Variants in ROBO1 observed in about 807,000 individuals in gnomAD.
ROBO1 encodes roundabout homolog 1.
In ROBO1, 149 loss-of-function variants were observed where a neutral mutation model predicts 195.9. The ratio of observed to expected loss-of-function variants is 0.76; its 90% confidence interval spans 0.67 to 0.87. ROBO1 has a LOEUF of 0.87. Among genes scored for constraint, ROBO1 ranks in the 40% least tolerant of loss-of-function variants. ROBO1 has a pLI of 0.00. For missense variants in ROBO1, 1,933 were observed against 2,068.3 expected (o/e 0.93, Z 1.27); for synonymous variants, 816 against 733.2 (o/e 1.11, Z -1.82).
intron 3 of ROBO1, among the ~76,000 whole-genome samples, chr3:78,946,559 T>A (rs1233600765): frequency 6.6e-6 from 1 of 152,166 alleles, no homozygotes; most frequent in African/African-American, 2.4e-5. Context: ...TAACAGCCAC[T>A]GCAAAAACAT....
At chr3:79,165,549 C>A (rs2081049314) in intron 2 of ROBO1, among the ~76,000 whole-genome samples, 1 of 152,204 alleles carries the variant, frequency 6.6e-6, no homozygotes, top group Non-Finnish European at 1.5e-5. Context: ...AACGTCTGTA[C>A]TATTTTCCAA....
In ROBO1 at chr3:78,971,591, T is replaced by C. The variant is rs561479815; in HGVS notation, c.173-32664A>G. Among the ~76,000 whole-genome samples, 5 of 152,284 alleles carry C rather than the reference T, an allele frequency of 3.3e-5. No homozygotes were observed. In the East Asian group the frequency reaches 9.6e-4, roughly 29 times the overall value. On this transcript the variant is annotated intron_variant, in intron 3 of 30. Coordinates refer to ENST00000464233, the MANE Select transcript of ROBO1 (RefSeq NM_002941.4). ...ATGGGTAAAGTGGCCAGGCCAACCA[T>C]ACTGCTCAACCCAGGAACCCTGATA... is the stretch of plus-strand genomic sequence containing the variant.
intron 4 of ROBO1, among the ~76,000 whole-genome samples, chr3:78,829,950 A>C (rs933795702): frequency 2.0e-5 from 3 of 152,194 alleles, no homozygotes; most frequent in Non-Finnish European, 2.9e-5. Context: ...CAGGATGAAT[A>C]AACACAAACT....
chr3:78,862,025 G>T (rs764893325), intron 4 of ROBO1, among the ~76,000 whole-genome samples: 1 of 151,944 alleles, frequency 6.6e-6, no homozygotes, highest in Non-Finnish European at 1.5e-5. Flanking sequence ...TAGCTTGCAT[G>T]AAAAAAAGGA....
At chr3:78,955,078 T>A (rs981855395) in intron 3 of ROBO1, among the ~76,000 whole-genome samples, 1 of 147,884 alleles carries the variant, frequency 6.8e-6, no homozygotes, top group Non-Finnish European at 1.5e-5. Context: ...CTGTGTGTCA[T>A]GGGGGTTATA....
chr3:79,609,865 A>G (rs116768326), intron 1 of ROBO1, among the ~76,000 whole-genome samples: 1,927 of 152,014 alleles, frequency 0.013, 29 homozygotes, highest in Non-Finnish European at 0.018. Context: ...ATGAGGAGTT[A>G]TTGTTTAAAG....
intron 3 of ROBO1, among the ~76,000 whole-genome samples, chr3:78,950,394 C>T (rs111927719): frequency 6.6e-5 from 10 of 150,692 alleles, no homozygotes; most frequent in Non-Finnish European, 1.5e-5. Flanking sequence ...CACCATTCTC[C>T]GCAAACTATA....
chr3:78,677,907 T>A (rs965708194), intron 10 of ROBO1, among the ~76,000 whole-genome samples: 2 of 151,636 alleles, frequency 1.3e-5, no homozygotes, highest in African/African-American at 2.4e-5. Context: ...ATTCCAAAAT[T>A]GACCACGTAG....
chr3:78,949,646 C>T (rs967871647), intron 3 of ROBO1, among the ~76,000 whole-genome samples: 13 of 151,942 alleles, frequency 8.6e-5, no homozygotes, highest in African/African-American at 2.9e-4. Flanking sequence ...GCAACAAAAG[C>T]CAAAATTGAC....
intron 3 of ROBO1, among the ~76,000 whole-genome samples, chr3:79,037,698 G>C (rs907210204): frequency 6.6e-6 from 1 of 152,086 alleles, no homozygotes; most frequent in Non-Finnish European, 1.5e-5. Flanking sequence ...ATAAATATCA[G>C]AAGTAAAATC....
At chr3:78,818,045 C>T (rs1161617716) in intron 4 of ROBO1, among the ~76,000 whole-genome samples, 1 of 152,296 alleles carries the variant, frequency 6.6e-6, no homozygotes, top group East Asian at 1.9e-4. Context: ...TGAACAGCTA[C>T]CGTTTGCAGC....
chr3:79,425,080 T>G (rs2038392201), intron 2 of ROBO1, among the ~76,000 whole-genome samples: 1 of 152,196 alleles, frequency 6.6e-6, no homozygotes, highest in Non-Finnish European at 1.5e-5. Context: ...CTCGTCAACA[T>G]TCCTTACAAT....
At chr3:79,642,992 G>T (rs1265149920) in intron 1 of ROBO1, among the ~76,000 whole-genome samples, 1 of 152,050 alleles carries the variant, frequency 6.6e-6, no homozygotes, top group African/African-American at 2.4e-5. Context: ...TGTCTGTGAG[G>T]GTGTTGTCAA....
At chr3:79,717,550 T>G (rs1212479719) in intron 1 of ROBO1, among the ~76,000 whole-genome samples, 1 of 152,008 alleles carries the variant, frequency 6.6e-6, no homozygotes, top group Non-Finnish European at 1.5e-5. Flanking sequence ...TTCAAAAAGT[T>G]AATTAGAAAA....
chr3:78,954,109 G>C (rs2040923488), intron 3 of ROBO1, among the ~76,000 whole-genome samples: 1 of 151,736 alleles, frequency 6.6e-6, no homozygotes, highest in Non-Finnish European at 1.5e-5. Flanking sequence ...GTCTTGGCAA[G>C]TTTTGGCACA....
intron 3 of ROBO1, among the ~76,000 whole-genome samples, chr3:79,120,115 C>A (rs986569298): frequency 1.3e-5 from 2 of 152,118 alleles, no homozygotes; most frequent in African/African-American, 4.8e-5. Context: ...ACCTCATATA[C>A]CCCCATGTAC....
chr3:78,736,038 T>A (rs756533536), intron 5 of ROBO1, among the ~76,000 whole-genome samples: 1 of 152,158 alleles, frequency 6.6e-6, no homozygotes, highest in Non-Finnish European at 1.5e-5. Flanking sequence ...TTTACTCACA[T>A]AATTAACTTG....
At chr3:78,877,534 A>G (rs943497500) in intron 4 of ROBO1, among the ~76,000 whole-genome samples, 1 of 152,196 alleles carries the variant, frequency 6.6e-6, no homozygotes, top group Non-Finnish European at 1.5e-5. Context: ...CAGATATCTT[A>G]AGAAATACTT....
chr3:79,683,075 T>C (rs1946996905), intron 1 of ROBO1, among the ~76,000 whole-genome samples: 1 of 152,072 alleles, frequency 6.6e-6, no homozygotes. Context: ...TTTATTTTTG[T>C]CTACTGATTT....
Sources: gnomAD v4.1 joint callset for allele counts (sites outside exome capture counted in the v4.1 genomes callset) on GRCh38, gnomAD v4.1.1 for gene constraint, MANE v1.5 for transcripts, NCBI Gene and HGNC (gene_info 2026-07-23, HGNC 2026-07-21) for gene names.